Variants in BRCA1 observed in about 807,000 individuals in gnomAD.
BRCA1 encodes BRCA1 DNA repair associated.
In BRCA1, 140 loss-of-function variants were observed where a neutral mutation model predicts 173.7. The ratio of observed to expected loss-of-function variants is 0.81; its 90% CI spans 0.70 to 0.93. The LOEUF (loss-of-function observed/expected upper bound fraction) is 0.93, where lower values mean the gene tolerates loss of function less well. Among genes scored for constraint, BRCA1 ranks in the 40% least tolerant of loss-of-function variants. The probability of loss-of-function intolerance (pLI) is 0.00; values close to 1 mark genes in which losing one functional copy is unlikely to be tolerated. For synonymous variants in BRCA1, 662 were observed against 756.0 expected, an observed-to-expected ratio of 0.88 and a Z score of 2.04; for missense variants, 1,983 against 2,172.5, an observed-to-expected ratio of 0.91 and a Z score of 1.73.
intron 22 of BRCA1, among the ~76,000 whole-genome samples, chr17:43,046,068 C>T (rs1567756999): frequency 6.6e-6 from 1 of 151,710 alleles, no homozygotes. Context: ...ATTACAGGCA[C>T]ATGCCATCAC....
intron 1 of BRCA1, among the ~76,000 whole-genome samples, chr17:43,150,159 G>T (rs544893216): frequency 6.6e-6 from 1 of 152,172 alleles, no homozygotes; most frequent in Admixed American, 6.5e-5. Context: ...GCCCTGGCTA[G>T]AGTGTAGTGG....
At chr17:43,131,212 A>G (rs1166680951) in intron 1 of BRCA1, 2 of 281,958 alleles carry the variant, frequency 7.1e-6, no homozygotes, top group Non-Finnish European at 1.6e-5. Flanking sequence ...TTGTAGGTAA[A>G]AGTTTCATTT....
At chr17:43,115,625 A>C in intron 3 of BRCA1, 101 bp downstream of exon 3, 1 of 1,174,396 alleles carries the variant, frequency 8.5e-7, no homozygotes, top group Non-Finnish European at 1.2e-6. Flanking sequence ...GTTCTCACTT[A>C]ATTGAAGAAA....
At chr17:43,112,126 G>A (rs2055063097) in intron 3 of BRCA1, among the ~76,000 whole-genome samples, 2 of 150,580 alleles carry the variant, frequency 1.3e-5, no homozygotes, top group Admixed American at 6.6e-5. Context: ...ATCTTGCTCT[G>A]TCGCCCAGGC....
rs80357457 is a variant in BRCA1, at chr17:43,104,166, G to T, written c.397C>A (p.Arg133Ser). 6.2e-7 allele frequency: 1 copy of T among 1,613,924 alleles called. No individual in the cohort carries two copies. Among genetic ancestry groups the T allele is most frequent in the South Asian group, 1.1e-5 (1 of 91,046 alleles). The change falls in exon 6 of 23, where the codon CGT becomes AGT. Residue 133 changes from arginine to serine, a missense_variant. Arg to Ser is a moderately radical substitution (Grantham distance 110, BLOSUM62 -1). Coordinates refer to ENST00000357654, the MANE Select transcript of BRCA1 (RefSeq NM_007294.4). ...TCACTCTGTAGAAGTCTTTTGGCACGGTTTCTGTAGCCCATACTTTGGATG... is the reference window on the plus strand; with the variant it reads ...TCACTCTGTAGAAGTCTTTTGGCACTGTTTCTGTAGCCCATACTTTGGATG... ...SIIQSMGYRN[R>S]AKRLLQSEPE...
chr17:43,135,771 C>T (rs1215480157), intron 1 of BRCA1, among the ~76,000 whole-genome samples: 4 of 152,208 alleles, frequency 2.6e-5, no homozygotes, highest in Non-Finnish European at 4.4e-5. Context: ...TCTTCTGAAT[C>T]GCAACAGCAT....
intron 19 of BRCA1, among the ~76,000 whole-genome samples, chr17:43,054,307 A>T (rs2051370169): frequency 6.6e-6 from 1 of 152,192 alleles, no homozygotes; most frequent in South Asian, 2.1e-4. Context: ...GAAGGTAAAA[A>T]CAGGCTGACC....
chr17:43,143,737 C>T (rs750471810), intron 1 of BRCA1, among the ~76,000 whole-genome samples: 22 of 151,978 alleles, frequency 1.4e-4, no homozygotes, highest in Non-Finnish European at 2.4e-4. Flanking sequence ...AGTGCATCAG[C>T]GGGGGATGGG....
At chr17:43,063,127 T>C (rs1226483266) in intron 18 of BRCA1, among the ~76,000 whole-genome samples, 1 of 151,968 alleles carries the variant, frequency 6.6e-6, no homozygotes, top group African/African-American at 2.4e-5. Context: ...CGACATCAGG[T>C]GATCCAAGCG....
At chr17:43,068,979 C>T (rs1216065677) in intron 15 of BRCA1, among the ~76,000 whole-genome samples, 1 of 152,176 alleles carries the variant, frequency 6.6e-6, no homozygotes, top group East Asian at 1.9e-4. Flanking sequence ...TAGGTATTGT[C>T]TGATAAATAA....
At chr17:43,169,959 TC>T in intron 1 of BRCA1, 1 of 468,972 alleles carries the variant, frequency 2.1e-6, no homozygotes, top group Non-Finnish European at 4.3e-6. Context: ...CCAAAAAGTT[TC>T]AATATTTACA....
intron 1 of BRCA1, chr17:43,167,959 A>C (rs537073825): frequency 1.2e-5 from 2 of 171,784 alleles, no homozygotes; most frequent in South Asian, 2.5e-4. Flanking sequence ...TGTGTTGAAG[A>C]GGAGAGGAGT....
chr17:43,150,469 C>T (rs1260958731), intron 1 of BRCA1, among the ~76,000 whole-genome samples: 2 of 152,196 alleles, frequency 1.3e-5, no homozygotes, highest in Non-Finnish European at 2.9e-5. Context: ...GGCTTCTCTC[C>T]TGTTTACAGG....
intron 1 of BRCA1, among the ~76,000 whole-genome samples, chr17:43,133,380 C>G (rs1281156639): frequency 1.3e-5 from 2 of 152,118 alleles, no homozygotes; most frequent in Admixed American, 1.3e-4. Flanking sequence ...TCTTGGATCT[C>G]ATCGTAGAGT....
chr17:43,059,708 C>T (rs956876970), intron 18 of BRCA1, among the ~76,000 whole-genome samples: 2 of 152,064 alleles, frequency 1.3e-5, no homozygotes, highest in Non-Finnish European at 2.9e-5. Flanking sequence ...TTAGCAAGTC[C>T]TCTCTTCAAA....
At chr17:43,128,292 A>G (rs748245575), upstream of BRCA1, among the ~76,000 whole-genome samples, 11 of 152,124 alleles carry the variant, frequency 7.2e-5, no homozygotes, top group Admixed American at 7.2e-4. Flanking sequence ...AACTCCAGAC[A>G]TGCCGCCTTA....
chr17:43,136,743 T>C (rs1335050780), intron 1 of BRCA1, among the ~76,000 whole-genome samples: 2 of 152,146 alleles, frequency 1.3e-5, no homozygotes, highest in Non-Finnish European at 2.9e-5. Flanking sequence ...AGATACCATC[T>C]CACACCAGTT....
intron 19 of BRCA1, among the ~76,000 whole-genome samples, chr17:43,054,731 G>A (rs2051387799): frequency 1.4e-5 from 2 of 145,450 alleles, no homozygotes; most frequent in South Asian, 2.2e-4. Context: ...GTGAGCCGCT[G>A]TGCCCAGCTG....
chr17:43,144,131 G>A (rs927656073), intron 1 of BRCA1: 4 of 178,276 alleles, frequency 2.2e-5, no homozygotes, highest in Non-Finnish European at 4.9e-5. Flanking sequence ...GCTGAGGCAG[G>A]AGAATGGCGT....
Sources: allele counts gnomAD v4.1 joint callset (sites outside exome capture counted in the v4.1 genomes callset), GRCh38; gene constraint gnomAD v4.1.1; transcripts MANE v1.5; gene names NCBI Gene and HGNC (gene_info 2026-07-23, HGNC 2026-07-21).